Variants in SPATA13 observed in about 807,000 individuals in gnomAD.
SPATA13 encodes spermatogenesis-associated protein 13.
Under a neutral mutation model 104.0 loss-of-function variants are expected in SPATA13, and 50 were observed. That is an observed-to-expected ratio of 0.48 (90% CI 0.38 to 0.61). The LOEUF (loss-of-function observed/expected upper bound fraction) is 0.61. Ranked by LOEUF, SPATA13 falls within the 20% of genes least tolerant of loss-of-function variation. The pLI is 0.00. For synonymous variants in SPATA13, 606 were observed against 667.5 expected, an observed-to-expected ratio of 0.91 and a Z score of 1.42; for missense variants, 1,524 against 1,690.6, an observed-to-expected ratio of 0.90 and a Z score of 1.73.
chr13:24,164,780 C>T (rs554933459), intron 1 of SPATA13, among the ~76,000 whole-genome samples: 2 of 152,292 alleles, frequency 1.3e-5, no homozygotes, highest in South Asian at 2.1e-4. Context: ...GAGGCAGAAA[C>T]GGCACCACAG....
rs572129068 is a variant in SPATA13, at chr13:24,270,982, C to T, written c.2165-13153C>T. 3.0e-4 allele frequency: 335 copies of T among 1,119,980 alleles called. 4 individuals carry two copies. The Middle Eastern group carries it at 3.5e-3, about 12-fold the overall frequency. The allele number at this position is 1,119,980 out of a possible 1,614,324, so 69.4% of individuals were successfully genotyped here. ...ATTCAGCTCTTTCCTTCCCAAGTTG[C>T]AGTTCTTCCCCTCTCTCTCTCTCTC... On this transcript the variant is annotated intron_variant, in intron 4 of 12. Transcript: ENST00000382108.
At chr13:24,005,402 A>G (rs900959708) in intron 2 of SPATA13, among the ~76,000 whole-genome samples, 11 of 152,302 alleles carry the variant, frequency 7.2e-5, no homozygotes, top group Admixed American at 3.9e-4. Context: ...CAGCTCAGGA[A>G]TATAGTGCTC....
chr13:24,085,981 C>A (rs1229690963), intron 3 of SPATA13, among the ~76,000 whole-genome samples: 2 of 152,178 alleles, frequency 1.3e-5, no homozygotes, highest in Non-Finnish European at 2.9e-5. Flanking sequence ...GAGAATCAGA[C>A]TGAAGCAAGT....
upstream of SPATA13, among the ~76,000 whole-genome samples, chr13:24,159,434 T>A (rs1882376149): frequency 6.6e-6 from 1 of 152,220 alleles, no homozygotes; most frequent in Admixed American, 6.5e-5. Context: ...AGACTATTTT[T>A]AGAGCAGTTT....
chr13:24,154,168 C>T (rs1008184092), intron 3 of SPATA13, among the ~76,000 whole-genome samples: 2 of 152,076 alleles, frequency 1.3e-5, no homozygotes, highest in Non-Finnish European at 1.5e-5. Context: ...TAAACATATG[C>T]ACACCTGATA....
rs1046730678 is a variant in SPATA13, at chr13:24,161,623, T to A, written c.-112+691T>A. Among the ~76,000 whole-genome samples, 3 of 151,984 alleles carry A rather than the reference T, an allele frequency of 2.0e-5. No homozygotes were observed. Among genetic ancestry groups the A allele is most frequent in the African/African-American group, 7.3e-5 (3 of 41,372 alleles). The stretch of plus-strand genomic sequence containing the variant: ...CAGCGTCAGGGGGAGCTCGGGTGAC[T>A]TGGGCTGGGCCACCCATCTGACTGC... On this transcript the variant is annotated intron_variant, in intron 1 of 12. Transcript: ENST00000382108. This position sits in a 1 kb window ranked among gnomAD's most constrained non-coding sequence, Gnocchi z 4.5.
intron 3 of SPATA13, among the ~76,000 whole-genome samples, chr13:24,083,273 C>T (rs1423207970): frequency 2.0e-5 from 3 of 152,204 alleles, no homozygotes; most frequent in African/African-American, 4.8e-5. Context: ...TCTTGCAGGC[C>T]GTGAGTGACA....
intron 1 of SPATA13, among the ~76,000 whole-genome samples, chr13:24,217,403 A>G (rs1487223620): frequency 2.0e-5 from 3 of 152,228 alleles, no homozygotes; most frequent in Non-Finnish European, 4.4e-5. Flanking sequence ...ACAAAGAACC[A>G]TCTGGCCCAG....
In SPATA13 at chr13:24,265,251, C is replaced by T. The variant is rs572781153; in HGVS notation, c.2164+13389C>T. Among the ~76,000 whole-genome samples, 128 of 152,280 alleles carry T rather than the reference C, an allele frequency of 8.4e-4. 2 individuals are homozygous for T. Among genetic ancestry groups the T allele is most frequent in the Admixed American group, 3.8e-3 (58 of 15,302 alleles). ...GAGCCTGCCTTTGCCCAACAGGAGT[C>T]GGCCTGCTGAGGCAGCATCTACCCG... is the stretch of plus-strand genomic sequence containing the variant. On this transcript the variant is annotated intron_variant, in intron 4 of 12. Coordinates refer to ENST00000382108, the MANE Select transcript of SPATA13 (RefSeq NM_001166271.3).
chr13:24,266,369 C>T (rs1229111559), intron 4 of SPATA13, among the ~76,000 whole-genome samples: 1 of 152,312 alleles, frequency 6.6e-6, no homozygotes, highest in Non-Finnish European at 1.5e-5. Flanking sequence ...ACTGCAGCCT[C>T]GATCTCCTGG....
intron 2 of SPATA13, among the ~76,000 whole-genome samples, chr13:24,238,132 C>CTTT (rs66810619): frequency 0.014 from 1,076 of 76,994 alleles, 31 homozygotes; most frequent in East Asian, 0.017. Flanking sequence ...TTCTTCTTGA[C>CTTT]TTTTTTTTTT....
intron 3 of SPATA13, among the ~76,000 whole-genome samples, chr13:24,024,679 T>C (rs538957392): frequency 1.9e-5 from 2 of 103,742 alleles, no homozygotes; most frequent in East Asian, 4.6e-4. Context: ...TAATATTTGA[T>C]GACATAAAAA....
At chr13:24,299,534 C>A (rs753652507) in intron 11 of SPATA13, among the ~76,000 whole-genome samples, 9 of 152,178 alleles carry the variant, frequency 5.9e-5, no homozygotes, top group Non-Finnish European at 1.2e-4. Context: ...GCGTACAGAG[C>A]CTGAGCCTGA....
intron 3 of SPATA13, among the ~76,000 whole-genome samples, chr13:24,250,816 T>C (rs1777425783): frequency 6.6e-6 from 1 of 152,242 alleles, no homozygotes; most frequent in African/African-American, 2.4e-5. Flanking sequence ...GAAATGATTC[T>C]GTACTGAAGC....
Position 24,305,726 on chromosome 13 carries a change from AT to A in SPATA13, c.*2957del, listed in dbSNP as rs1877536859. 1 of 152,198 alleles carries A rather than the reference AT, an allele frequency of 6.6e-6. No homozygotes were observed. Among genetic ancestry groups the A allele is most frequent in the Admixed American group, 6.5e-5 (1 of 15,284 alleles). 9.4% of individuals were successfully genotyped at this position (152,198 alleles called of 1,614,324 possible). On this transcript the variant is annotated 3_prime_UTR_variant, in exon 13 of 13. Coordinates refer to ENST00000382108, the MANE Select transcript of SPATA13 (RefSeq NM_001166271.3). ...CCAAGAAAAGAAAAGATGACATAACATTTTGATGAATTTCACCTATTCCATT... is the reference window on the plus strand; with the variant it reads ...CCAAGAAAAGAAAAGATGACATAACATTTGATGAATTTCACCTATTCCATT...
chr13:24,167,107 C>G (rs1361302366), intron 1 of SPATA13, among the ~76,000 whole-genome samples: 1 of 152,150 alleles, frequency 6.6e-6, no homozygotes, highest in African/African-American at 2.4e-5. Context: ...TTGAAAGCTT[C>G]CCAAGCGTAG....
intron 1 of SPATA13, among the ~76,000 whole-genome samples, chr13:24,199,034 A>G (rs1358002869): frequency 4.1e-5 from 6 of 148,114 alleles, no homozygotes; most frequent in African/African-American, 1.3e-4. Flanking sequence ...CTTTTCAGGC[A>G]CACACCACCA....
chr13:24,139,368 G>A (rs1049955101), intron 3 of SPATA13, among the ~76,000 whole-genome samples: 1 of 152,162 alleles, frequency 6.6e-6, no homozygotes, highest in Non-Finnish European at 1.5e-5. Context: ...TCGTAGTGGG[G>A]GCACTGTTCA....
At chr13:24,227,828 C>T (rs1872031006) in intron 2 of SPATA13, among the ~76,000 whole-genome samples, 1 of 152,152 alleles carries the variant, frequency 6.6e-6, no homozygotes, top group African/African-American at 2.4e-5. Context: ...CCTCAGCCTT[C>T]CAAAGTGCTA....
Sources: allele counts gnomAD v4.1 joint callset (sites outside exome capture counted in the v4.1 genomes callset), GRCh38; gene constraint gnomAD v4.1.1; non-coding constraint Gnocchi (gnomAD v3.1); transcripts MANE v1.5; gene names NCBI Gene and HGNC (gene_info 2026-07-23, HGNC 2026-07-21).